Variants in CX3CR1 observed in about 807,000 individuals in gnomAD.
CX3CR1 encodes the protein C-X3-C motif chemokine receptor 1.
For missense variants in CX3CR1, 363 were observed against 432.4 expected, an observed-to-expected ratio of 0.84 and a Z score of 1.42; for synonymous variants, 168 against 178.5, an observed-to-expected ratio of 0.94 and a Z score of 0.47.
At chr3:39,277,555 G>A (rs572920578) in intron 1 of CX3CR1, among the ~76,000 whole-genome samples, 20 of 152,298 alleles carry the variant, frequency 1.3e-4, no homozygotes, top group Non-Finnish European at 2.2e-4. Flanking sequence ...AAACGTCTCT[G>A]GACTCAGGAT....
At chr3:39,286,643 G>A (rs1369055795), upstream of CX3CR1, 2 of 131,778 alleles carry the variant, frequency 1.5e-5, no homozygotes, top group Non-Finnish European at 3.1e-5. Flanking sequence ...GGGCGACAGA[G>A]CGAGACTCCG....
At chr3:39,277,206 A>C (rs1311468545) in intron 1 of CX3CR1, among the ~76,000 whole-genome samples, 1 of 152,144 alleles carries the variant, frequency 6.6e-6, no homozygotes, top group African/African-American at 2.4e-5. Flanking sequence ...AAACAAGATG[A>C]GGGGGTCGAA....
At position 39,266,556 on chromosome 3, in the gene CX3CR1, T is replaced by C. The variant is rs373125169; in HGVS notation, c.-9-38A>G. 8 of 1,604,908 alleles carry C rather than the reference T, an allele frequency of 5.0e-6. No individual in the cohort carries two copies. In the African/African-American group the frequency reaches 6.7e-5, roughly 13 times the overall value. On this transcript the variant is annotated intron_variant, in intron 1 of 1. Transcript: ENST00000399220. The stretch of plus-strand genomic sequence containing the variant: ...GAAAAACAAGTAACTGTGTTAGTTA[T>C]CAGAGAAACAAAGTTGGAATTCTGT...
chr3:39,278,655 C>CTTTTTTTT (rs55908068), intron 1 of CX3CR1, among the ~76,000 whole-genome samples: 2 of 103,712 alleles, frequency 1.9e-5, no homozygotes, highest in Non-Finnish European at 1.9e-5. Context: ...TTTTTCTTTT[C>CTTTTTTTT]TTTTTTTTTT....
At chr3:39,287,178 T>A in the CX3CR1 span, 119 of 152,320 alleles carry the variant, frequency 7.8e-4, no homozygotes, top group African/African-American at 2.8e-3. Flanking sequence ...CAGCTTCTAA[T>A]CTCCTTGACT....
At position 39,267,737 on chromosome 3, in the gene CX3CR1, C is replaced by A. The variant is rs370252428; in HGVS notation, c.-9-1219G>T. On this transcript the variant is annotated intron_variant, in intron 1 of 1. Transcript: ENST00000399220. ...TGGGCTAGTCTCCGGGTGACTAATT[C>A]CCCCTACGATTACCAGCCCTATAGT... Among the ~76,000 whole-genome samples the A allele has an allele frequency of 2.0e-5, 3 of 152,314 alleles. No homozygotes were observed. The East Asian group carries it at 5.8e-4, about 29-fold the overall frequency.
upstream of CX3CR1, chr3:39,281,366 G>A (rs565931631): frequency 6.1e-6 from 5 of 826,022 alleles, no homozygotes; most frequent in East Asian, 4.0e-5. Flanking sequence ...ACTCAGCTGG[G>A]CTGGCTGCCT....
At chr3:39,282,356 T>C (rs13098239), upstream of CX3CR1, among the ~76,000 whole-genome samples, 37,236 of 151,994 alleles carry the variant, frequency 0.24, 5,369 homozygotes, top group East Asian at 0.66. Context: ...ATTCCTTAGA[T>C]CCCCGTCTTC....
rs1200198855 is a variant in CX3CR1 at position 39,265,351 on chromosome 3, T to A, written c.*91A>T. On this transcript the variant is annotated 3_prime_UTR_variant, in exon 2 of 2. Coordinates refer to ENST00000399220, the MANE Select transcript of CX3CR1 (RefSeq NM_001337.4). ...CATTGGGTCCATCATTTTGTGCCTG[T>A]AAGAAATAACAACAAAAATCTTTCC... 1.5e-6 allele frequency: 2 copies of A among 1,376,952 alleles called. No homozygotes were observed. The highest frequency in any genetic ancestry group is 1.5e-5 in the African/African-American group (1 of 68,852). The allele number at this position is 1,376,952 out of a possible 1,614,324, so 85.3% of individuals were successfully genotyped here. A position where few individuals can be genotyped will look rare whatever the true frequency, so the allele number is the denominator to read the frequency against.
chr3:39,275,134 A>T (rs1045966312), intron 1 of CX3CR1, among the ~76,000 whole-genome samples: 8 of 152,174 alleles, frequency 5.3e-5, no homozygotes, highest in Non-Finnish European at 1.0e-4. Flanking sequence ...AGTGCTGGGA[A>T]TACAGGTGTG....
At chr3:39,289,106 A>G in the CX3CR1 span, among the ~76,000 whole-genome samples, 195 of 152,120 alleles carry the variant, frequency 1.3e-3, no homozygotes, top group African/African-American at 4.5e-3. Flanking sequence ...GTGAGCTGAG[A>G]TCGCACCACT....
At chr3:39,292,563 T>TA in the CX3CR1 span, among the ~76,000 whole-genome samples, 1 of 152,214 alleles carries the variant, frequency 6.6e-6, no homozygotes, top group Non-Finnish European at 1.5e-5. Context: ...TAATAACAGT[T>TA]AAAACATAGT....
the CX3CR1 span, among the ~76,000 whole-genome samples, chr3:39,291,139 C>A: frequency 6.6e-6 from 1 of 151,590 alleles, no homozygotes; most frequent in South Asian, 2.1e-4. Context: ...TCACTGGAAC[C>A]TCCACCTCCC....
chr3:39,270,929 G>T (rs1434715596), intron 1 of CX3CR1, among the ~76,000 whole-genome samples: 2 of 152,194 alleles, frequency 1.3e-5, no homozygotes, highest in Non-Finnish European at 2.9e-5. Context: ...CATATAAAAG[G>T]ATCATCTCTA....
At chr3:39,283,841 A>ATATATATATATATATAT (rs71085352), upstream of CX3CR1, among the ~76,000 whole-genome samples, 1 of 109,886 alleles carries the variant, frequency 9.1e-6, no homozygotes, top group Non-Finnish European at 1.9e-5. Flanking sequence ...ATATATATAT[A>ATATATATATATATATAT]ATGTGGTTAA....
the CX3CR1 span, among the ~76,000 whole-genome samples, chr3:39,292,885 A>G: frequency 6.6e-6 from 1 of 152,200 alleles, no homozygotes; most frequent in Non-Finnish European, 1.5e-5. Flanking sequence ...ACCCTAGACA[A>G]TCTTCTTTCT....
chr3:39,288,507 C>G, the CX3CR1 span, among the ~76,000 whole-genome samples: 4 of 152,172 alleles, frequency 2.6e-5, no homozygotes, highest in South Asian at 2.1e-4. Context: ...TCTGTCTCCC[C>G]CTCCTGGTGT....
chr3:39,283,795 TTATATATATATATATATATATA>T (rs59133796), upstream of CX3CR1, among the ~76,000 whole-genome samples: 110 of 65,300 alleles, frequency 1.7e-3, 3 homozygotes, highest in South Asian at 4.2e-3. Flanking sequence ...AAAAAAAAAA[TTATATATATATATATATATATA>T]TATATATATA....
At chr3:39,268,509 A>C (rs2125551120) in intron 1 of CX3CR1, among the ~76,000 whole-genome samples, 1 of 152,316 alleles carries the variant, frequency 6.6e-6, no homozygotes, top group East Asian at 1.9e-4. Flanking sequence ...ATGAGTAAAA[A>C]TAGTCAAGTC....
Sources: gnomAD v4.1 joint callset for allele counts (sites outside exome capture counted in the v4.1 genomes callset) on GRCh38, gnomAD v4.1.1 for gene constraint, MANE v1.5 for transcripts, NCBI Gene and HGNC (gene_info 2026-07-23, HGNC 2026-07-21) for gene names.